The following RXRA variants were observed in gnomAD, a reference collection of about 807,000 sequenced individuals.
RXRA encodes the protein retinoid X receptor alpha.
Under a neutral mutation model 44.5 loss-of-function variants are expected in RXRA, and 5 were observed. That is an observed-to-expected ratio of 0.11 (90% confidence interval 0.06 to 0.24). The LOEUF is 0.24. Among genes scored for constraint, RXRA ranks in the 10% least tolerant of loss-of-function variants. RXRA has a pLI of 1.00. For synonymous variants in RXRA, 291 were observed against 271.4 expected (o/e 1.07, Z -0.71); for missense variants, 412 against 646.5 (o/e 0.64, Z 3.93).
At chr9:134,362,642 G>A (rs771898720) in intron 1 of RXRA, among the ~76,000 whole-genome samples, 2 of 152,224 alleles carry the variant, frequency 1.3e-5, no homozygotes, top group Admixed American at 6.5e-5. Flanking sequence ...GGCTGGGCAC[G>A]GGGCTGACGG....
At chr9:134,331,167 C>T (rs1441365357) in intron 1 of RXRA, among the ~76,000 whole-genome samples, 1 of 152,164 alleles carries the variant, frequency 6.6e-6, no homozygotes, top group Admixed American at 6.5e-5. Context: ...CTCCAGGGAC[C>T]CTCCTCAGAG....
rs749561051 is a variant in RXRA at position 134,436,599 on chromosome 9, G to A, written c.1374G>A (p.Pro458=). The A allele has an allele frequency of 5.9e-5, 95 of 1,613,802 alleles. 1 individual carries two copies. In the South Asian group the frequency reaches 8.8e-4, roughly 15 times the overall value. The part of the protein sequence containing the change: ...DTFLMEMLEA[P]HQMT ...TCCTTATGGAGATGCTGGAGGCGCC[G>A]CACCAAATGACTTAGGCCTGCGGGC... Residue 458 remains proline, a synonymous_variant, in exon 10 of 10, where the codon CCG becomes CCA. Coordinates refer to ENST00000481739, the MANE Select transcript of RXRA (RefSeq NM_002957.6).
intron 1 of RXRA, among the ~76,000 whole-genome samples, chr9:134,377,264 C>T (rs1204072337): frequency 6.6e-6 from 1 of 152,190 alleles, no homozygotes; most frequent in Non-Finnish European, 1.5e-5. Context: ...GTGTTGGGTC[C>T]TTGATGGCGA....
rs1456595069 is a variant in RXRA, at chr9:134,436,930, G to A, written c.*316G>A. ...ACCCCACGGGGCTTGGGCGACTACA[G>A]GGTCTTCGGGCCCCAGCCCTGGAGC... On this transcript the variant is annotated 3_prime_UTR_variant, in exon 10 of 10. Transcript: ENST00000481739. The A allele has an allele frequency of 6.1e-6, 2 of 328,230 alleles. No individual in the cohort carries two copies. Among genetic ancestry groups the A allele is most frequent in the Non-Finnish European group, 1.1e-5 (2 of 177,304 alleles). 20.3% of individuals were successfully genotyped at this position (328,230 alleles called of 1,614,324 possible). A position where few individuals can be genotyped will look rare whatever the true frequency, so the allele number is the denominator to read the frequency against.
intron 1 of RXRA, among the ~76,000 whole-genome samples, chr9:134,344,499 C>T (rs1288963534): frequency 1.3e-5 from 2 of 152,214 alleles, no homozygotes; most frequent in Admixed American, 6.5e-5. Context: ...GCTTAGATTC[C>T]TCTTAAAAAG....
At chr9:134,360,625 G>A (rs1474949851) in intron 1 of RXRA, among the ~76,000 whole-genome samples, 1 of 152,268 alleles carries the variant, frequency 6.6e-6, no homozygotes. Context: ...TTTGAAAGTG[G>A]CGCCCTTTGG....
chr9:134,436,446 C>T (rs1211742455), intron 9 of RXRA, 21 bp from the exon 10 acceptor site: 4 of 1,612,688 alleles, frequency 2.5e-6, no homozygotes, highest in Non-Finnish European at 3.4e-6. Context: ...GCCCGGCCCT[C>T]ACCAGACCTG....
intron 1 of RXRA, among the ~76,000 whole-genome samples, chr9:134,400,877 C>G (rs558795290): frequency 2.6e-5 from 4 of 152,234 alleles, no homozygotes; most frequent in Admixed American, 2.0e-4. Context: ...CCATTCCACC[C>G]ATCTGGTCCC....
chr9:134,368,632 CTGTG>C (rs1057367362), intron 1 of RXRA, among the ~76,000 whole-genome samples: 2 of 150,268 alleles, frequency 1.3e-5, no homozygotes, highest in Non-Finnish European at 3.0e-5. Flanking sequence ...ATGTGTGTGG[CTGTG>C]TGGTGTGTGT....
intron 1 of RXRA, among the ~76,000 whole-genome samples, chr9:134,332,058 G>A (rs782235178): frequency 6.6e-6 from 1 of 152,206 alleles, no homozygotes; most frequent in African/African-American, 2.4e-5. Context: ...TTGGCCTCTT[G>A]TGCTGGTTGA....
rs141695321 is a variant in RXRA at position 134,389,504 on chromosome 9, G to A, written c.29-12128G>A. 6.6e-3 allele frequency among the ~76,000 whole-genome samples: 1,011 copies of A among 152,206 alleles called. 39 individuals are homozygous for A. Among genetic ancestry groups the A allele is most frequent in the Admixed American group, 0.06 (914 of 15,296 alleles). Reference sequence around the variant, plus strand: ...AGAGGGCTAGCCCCAGAGGGCTAGCGGGGCCAGGGCTTGGGCATCTCTATC... The same window carrying A: ...AGAGGGCTAGCCCCAGAGGGCTAGCAGGGCCAGGGCTTGGGCATCTCTATC... On this transcript the variant is annotated intron_variant, in intron 1 of 9. Coordinates refer to ENST00000481739, the MANE Select transcript of RXRA (RefSeq NM_002957.6).
At chr9:134,428,266 G>A (rs892401098) in intron 6 of RXRA, among the ~76,000 whole-genome samples, 1 of 130,454 alleles carries the variant, frequency 7.7e-6, no homozygotes, top group African/African-American at 3.0e-5. Context: ...CTAACCACCT[G>A]ACCCCCAGGG....
At chr9:134,428,861 C>T (rs1249340862) in intron 6 of RXRA, among the ~76,000 whole-genome samples, 1 of 152,228 alleles carries the variant, frequency 6.6e-6, no homozygotes, top group South Asian at 2.1e-4. Context: ...TGTGAGCTCC[C>T]GGGTTCCACA....
chr9:134,385,122 A>G (rs1564279912), intron 1 of RXRA, among the ~76,000 whole-genome samples: 2 of 152,206 alleles, frequency 1.3e-5, no homozygotes, highest in South Asian at 2.1e-4. Flanking sequence ...CAGCCTGGGC[A>G]GGGCAGCCTG....
intron 1 of RXRA, among the ~76,000 whole-genome samples, chr9:134,364,065 G>A (rs1035787776): frequency 4.6e-5 from 7 of 152,200 alleles, no homozygotes; most frequent in African/African-American, 1.2e-4. Flanking sequence ...TCTGCACCAG[G>A]TTTCTCCTCT....
At chr9:134,401,359 G>A (rs886605178) in intron 1 of RXRA, 2 of 501,568 alleles carry the variant, frequency 4.0e-6, no homozygotes, top group African/African-American at 3.9e-5. Context: ...GCATCCTGGG[G>A]CTCATTCACA....
chr9:134,404,598 G>C (rs1259908061), intron 2 of RXRA: 1 of 152,500 alleles, frequency 6.6e-6, no homozygotes, highest in African/African-American at 2.4e-5. Flanking sequence ...GGGAGGGCCT[G>C]CCCAGGGCCT....
At chr9:134,352,061 G>A (rs938368234) in intron 1 of RXRA, among the ~76,000 whole-genome samples, 27 of 152,222 alleles carry the variant, frequency 1.8e-4, no homozygotes, top group African/African-American at 6.3e-4. Context: ...GCCCGGGGAG[G>A]GAGCGAGGCT....
At chr9:134,421,946 A>T (rs1480862618) in intron 6 of RXRA, 141 bp downstream of exon 6, 1 of 1,281,302 alleles carries the variant, frequency 7.8e-7, no homozygotes, top group Non-Finnish European at 9.9e-7. Context: ...ACCCACTCCT[A>T]CCTCCCGGGA....
Sources: allele counts gnomAD v4.1 joint callset (sites outside exome capture counted in the v4.1 genomes callset), GRCh38; gene constraint gnomAD v4.1.1; transcripts MANE v1.5; gene names NCBI Gene and HGNC (gene_info 2026-07-23, HGNC 2026-07-21).